GRIK4: variants seen among roughly 807,000 people sequenced by gnomAD.
GRIK4 encodes the protein glutamate receptor ionotropic, kainate 4.
GRIK4 carries 40 observed loss-of-function variants against 104.9 expected under a neutral mutation model. That is an observed-to-expected ratio of 0.38 (90% CI 0.30 to 0.50). The LOEUF (loss-of-function observed/expected upper bound fraction) is 0.50, where lower values mean the gene tolerates loss of function less well. Among genes scored for constraint, GRIK4 ranks in the 20% least tolerant of loss-of-function variants. The pLI, the probability that GRIK4 is intolerant of heterozygous loss-of-function variation, is 0.93. For synonymous variants in GRIK4, 485 were observed against 524.9 expected (o/e 0.92, Z 1.04); for missense variants, 1,047 against 1,308.1 (o/e 0.80, Z 3.08).
chr11:120,809,306 C>T (rs1223352799), intron 4 of GRIK4, among the ~76,000 whole-genome samples: 1 of 152,208 alleles, frequency 6.6e-6, no homozygotes, highest in African/African-American at 2.4e-5. Context: ...CTGAGCCTTC[C>T]AACTCCTCTG....
At chr11:120,695,717 T>C (rs1341192468) in intron 3 of GRIK4, among the ~76,000 whole-genome samples, 1 of 152,014 alleles carries the variant, frequency 6.6e-6, no homozygotes, top group Non-Finnish European at 1.5e-5. Context: ...GACACCCCTA[T>C]GACCAAGGTG....
intron 1 of GRIK4, among the ~76,000 whole-genome samples, chr11:120,604,852 G>T (rs1198333916): frequency 6.6e-6 from 1 of 152,186 alleles, no homozygotes; most frequent in East Asian, 1.9e-4. Flanking sequence ...CAGAAGTGGG[G>T]CCTGGAAGTC....
chr11:120,959,471 G>A (rs1944240570), intron 16 of GRIK4, among the ~76,000 whole-genome samples: 1 of 152,340 alleles, frequency 6.6e-6, no homozygotes, highest in South Asian at 2.1e-4. Flanking sequence ...TGCATTCATC[G>A]TCAGTGTCTC....
intron 1 of GRIK4, among the ~76,000 whole-genome samples, chr11:120,646,550 CT>C (rs1949545378): frequency 6.6e-6 from 1 of 152,126 alleles, no homozygotes; most frequent in Admixed American, 6.5e-5. Flanking sequence ...AGATGAGTCA[CT>C]GAGTAGGGGA....
At chr11:120,817,741 T>G (rs1309179257) in intron 5 of GRIK4, among the ~76,000 whole-genome samples, 1 of 152,214 alleles carries the variant, frequency 6.6e-6, no homozygotes, top group Non-Finnish European at 1.5e-5. Flanking sequence ...TATCCCTGCC[T>G]AGACCCAGCA....
At chr11:120,836,080 G>T (rs7937037) in intron 7 of GRIK4, among the ~76,000 whole-genome samples, 3 of 152,028 alleles carry the variant, frequency 2.0e-5, no homozygotes, top group African/African-American at 7.2e-5. Context: ...GAGTGGAGTT[G>T]ATTTGCATTG....
intron 3 of GRIK4, among the ~76,000 whole-genome samples, chr11:120,686,075 T>C (rs1950272359): frequency 6.6e-6 from 1 of 152,118 alleles, no homozygotes; most frequent in African/African-American, 2.4e-5. Context: ...TAATTACATG[T>C]GATTCAAGGG....
At chr11:120,682,259 G>T (rs967583426) in intron 3 of GRIK4, among the ~76,000 whole-genome samples, 1 of 152,224 alleles carries the variant, frequency 6.6e-6, no homozygotes, top group South Asian at 2.1e-4. Context: ...GCGGCCAATG[G>T]ACAGGCAGAC....
intron 11 of GRIK4, among the ~76,000 whole-genome samples, chr11:120,883,320 T>C (rs1283624617): frequency 1.3e-5 from 2 of 152,180 alleles, no homozygotes; most frequent in Non-Finnish European, 2.9e-5. Context: ...ACCAAGTTGT[T>C]CAAGAGAGAT....
chr11:120,516,305 GGCAGGGGT>G (rs1429702520), intron 1 of GRIK4, among the ~76,000 whole-genome samples: 4 of 152,170 alleles, frequency 2.6e-5, no homozygotes, highest in Admixed American at 2.6e-4. Flanking sequence ...GGCAGGAGCT[GGCAGGGGT>G]GCTCAGGAAT....
At position 120,984,796 on chromosome 11, in the gene GRIK4, CA is replaced by C. The variant is rs762940569; in HGVS notation, c.2515-1103del. ...AAAAAACCAAAAACAAACAAACAAACAAAAATGCAGGCCCATCTATATTCTT... is the reference window on the plus strand; with the variant it reads ...AAAAAACCAAAAACAAACAAACAAACAAAATGCAGGCCCATCTATATTCTT... On this transcript the variant is annotated intron_variant, in intron 20 of 20. Coordinates refer to ENST00000527524, the MANE Select transcript of GRIK4 (RefSeq NM_014619.5). Among the ~76,000 whole-genome samples the C allele has an allele frequency of 7.1e-5, 8 of 113,144 alleles. No individual in the cohort carries two copies. The East Asian group carries it at 1.6e-3, about 23-fold the overall frequency. 74.2% of individuals were successfully genotyped at this position (113,144 alleles called of 152,430 possible).
intron 3 of GRIK4, among the ~76,000 whole-genome samples, chr11:120,704,572 A>G (rs557466289): frequency 1.3e-5 from 2 of 152,166 alleles, no homozygotes; most frequent in Non-Finnish European, 2.9e-5. Context: ...GCTGTCATAG[A>G]TAATTCCTCT....
At position 120,638,818 on chromosome 11, in the gene GRIK4, C is replaced by T. The variant is rs137928377; in HGVS notation, c.-158-14867C>T. Among the ~76,000 whole-genome samples, 337 of 152,206 alleles carry T rather than the reference C, an allele frequency of 2.2e-3. 1 individual carries two copies. Among genetic ancestry groups the T allele is most frequent in the African/African-American group, 7.8e-3 (326 of 41,542 alleles). On this transcript the variant is annotated intron_variant, in intron 1 of 20. Transcript: ENST00000527524. ...AGCGGCACGGTGAGCAAGGGCCTGC[C>T]TTTTTCAGGGATTAGAACTATTTTT...
At chr11:120,845,263 C>T (rs9783348) in intron 8 of GRIK4, among the ~76,000 whole-genome samples, 2,221 of 152,252 alleles carry the variant, frequency 0.015, 57 homozygotes, top group African/African-American at 0.05. Context: ...TGGGCCCTGC[C>T]GTACATTAGA....
At chr11:120,657,183 T>G (rs1949724401) in intron 2 of GRIK4, among the ~76,000 whole-genome samples, 1 of 152,220 alleles carries the variant, frequency 6.6e-6, no homozygotes, top group Non-Finnish European at 1.5e-5. Context: ...TACCAGGCAC[T>G]GTTCTAGGCC....
chr11:120,561,313 A>G (rs989503357), intron 1 of GRIK4, among the ~76,000 whole-genome samples: 6 of 152,172 alleles, frequency 3.9e-5, no homozygotes, highest in African/African-American at 1.4e-4. Flanking sequence ...CTTCTCCCTC[A>G]TGTTCTAGAA....
intron 3 of GRIK4, among the ~76,000 whole-genome samples, chr11:120,780,819 G>A (rs934142087): frequency 1.3e-5 from 2 of 152,130 alleles, no homozygotes; most frequent in Non-Finnish European, 2.9e-5. Flanking sequence ...TCAGCTCACT[G>A]CAAGCTCCGC....
At chr11:120,721,000 T>TTCATTCATTCA (rs1346680503) in intron 3 of GRIK4, among the ~76,000 whole-genome samples, 5 of 152,186 alleles carry the variant, frequency 3.3e-5, no homozygotes, top group African/African-American at 1.2e-4. Context: ...CATTCATTCA[T>TTCATTCATTCA]TCATTCATTC....
At chr11:120,938,862 G>A (rs112775565) in intron 13 of GRIK4, among the ~76,000 whole-genome samples, 515 of 152,266 alleles carry the variant, frequency 3.4e-3, no homozygotes, top group African/African-American at 0.011. Context: ...AGATTCCTGC[G>A]TCCTACCACC....
Sources: gnomAD v4.1 joint callset for allele counts (sites outside exome capture counted in the v4.1 genomes callset) on GRCh38, gnomAD v4.1.1 for gene constraint, MANE v1.5 for transcripts, NCBI Gene and HGNC (gene_info 2026-07-23, HGNC 2026-07-21) for gene names.